Variants in KCNMA1 observed in about 807,000 individuals in gnomAD.
KCNMA1 encodes the protein potassium calcium-activated channel subfamily M alpha 1.
Under a neutral mutation model 140.0 loss-of-function variants are expected in KCNMA1, and 29 were observed. That is an observed-to-expected ratio of 0.21 (90% CI 0.15 to 0.28). KCNMA1 has a LOEUF of 0.28. Among genes scored for constraint, KCNMA1 ranks in the 10% least tolerant of loss-of-function variants. The pLI is 1.00. For synonymous variants in KCNMA1, 612 were observed against 611.9 expected, an observed-to-expected ratio of 1.00 and a Z score of 0.00; for missense variants, 880 against 1,602.2, an observed-to-expected ratio of 0.55 and a Z score of 7.70.
chr10:77,058,562 T>C (rs968301543), intron 14 of KCNMA1, among the ~76,000 whole-genome samples: 1 of 152,004 alleles, frequency 6.6e-6, no homozygotes, highest in African/African-American at 2.4e-5. Flanking sequence ...GCCAAGTAGG[T>C]TCTTAACCAT....
chr10:77,144,221 G>A (rs1022236148), intron 5 of KCNMA1, among the ~76,000 whole-genome samples: 4 of 151,950 alleles, frequency 2.6e-5, no homozygotes, highest in Non-Finnish European at 5.9e-5. Flanking sequence ...ATCCCATAAT[G>A]GAATATTAGC....
Position 77,007,273 on chromosome 10 carries a change from C to T in KCNMA1, c.2092+4694G>A, listed in dbSNP as rs188609909. Among the ~76,000 whole-genome samples the T allele has an allele frequency of 9.2e-4, 140 of 152,290 alleles. 1 individual carries two copies. Among genetic ancestry groups the T allele is most frequent in the Admixed American group, 3.0e-3 (46 of 15,300 alleles). The stretch of plus-strand genomic sequence containing the variant: ...GCTCATTGCTGAAATGGAATGTTCT[C>T]CTCCAGTCAGCTTTTCTGCCTTAAA... On this transcript the variant is annotated intron_variant, in intron 18 of 27. Transcript: ENST00000286628.
intron 1 of KCNMA1, among the ~76,000 whole-genome samples, chr10:77,488,744 AG>A (rs2098493550): frequency 6.6e-6 from 1 of 152,146 alleles, no homozygotes; most frequent in African/African-American, 2.4e-5. Flanking sequence ...CTCCTCAGCC[AG>A]GGCAGCCATG....
chr10:77,583,814 A>G (rs753362040), intron 1 of KCNMA1, among the ~76,000 whole-genome samples: 1 of 152,046 alleles, frequency 6.6e-6, no homozygotes, highest in African/African-American at 2.4e-5. Context: ...AACACACCCA[A>G]CTCCACTTCC....
intron 14 of KCNMA1, among the ~76,000 whole-genome samples, chr10:77,051,663 C>A (rs2095369298): frequency 6.6e-6 from 1 of 152,120 alleles, no homozygotes; most frequent in African/African-American, 2.4e-5. Context: ...AAACCATGAT[C>A]CTGAGTGCTC....
chr10:77,455,723 G>A (rs2097752665), intron 1 of KCNMA1, among the ~76,000 whole-genome samples: 1 of 152,072 alleles, frequency 6.6e-6, no homozygotes, highest in South Asian at 2.1e-4. Context: ...CACACAGAAG[G>A]CCCAGACCTG....
intron 2 of KCNMA1, among the ~76,000 whole-genome samples, chr10:77,325,071 T>C (rs999911649): frequency 2.0e-5 from 3 of 151,318 alleles, no homozygotes; most frequent in African/African-American, 7.3e-5. Context: ...CACCCCTTCA[T>C]TACCATGCTG....
At chr10:77,329,249 G>C (rs1220681506) in intron 2 of KCNMA1, among the ~76,000 whole-genome samples, 1 of 152,178 alleles carries the variant, frequency 6.6e-6, no homozygotes, top group Non-Finnish European at 1.5e-5. Context: ...CAAATCACTT[G>C]TGTGGTCTTT....
intron 19 of KCNMA1, chr10:76,974,303 A>T: frequency 1.9e-6 from 1 of 515,960 alleles, no homozygotes. Context: ...AGGTCGTTTT[A>T]ATTATTATTA....
At chr10:76,936,973 A>G (rs2060728521) in intron 23 of KCNMA1, among the ~76,000 whole-genome samples, 1 of 152,218 alleles carries the variant, frequency 6.6e-6, no homozygotes, top group South Asian at 2.1e-4. Flanking sequence ...AATGCAAATC[A>G]TATAAAACAC....
intron 20 of KCNMA1, among the ~76,000 whole-genome samples, chr10:76,957,392 T>C (rs965825755): frequency 5.9e-5 from 9 of 152,094 alleles, no homozygotes; most frequent in Non-Finnish European, 7.3e-5. Flanking sequence ...AAGTTGAAGA[T>C]GGATTAAACT....
chr10:77,279,436 C>T (rs551009365), intron 2 of KCNMA1, among the ~76,000 whole-genome samples: 1 of 152,106 alleles, frequency 6.6e-6, no homozygotes, highest in Non-Finnish European at 1.5e-5. Context: ...AGCAAGCGGA[C>T]AAAGGGCAGA....
At chr10:77,591,433 T>C (rs1295560959) in intron 1 of KCNMA1, among the ~76,000 whole-genome samples, 2 of 152,112 alleles carry the variant, frequency 1.3e-5, no homozygotes, top group Non-Finnish European at 2.9e-5. Context: ...TCTCTTAACA[T>C]CTAGAGTAAT....
intron 3 of KCNMA1, among the ~76,000 whole-genome samples, chr10:77,249,177 C>T (rs774502809): frequency 1.2e-4 from 19 of 152,154 alleles, no homozygotes; most frequent in Non-Finnish European, 2.4e-4. Context: ...GAAGTTCCAT[C>T]CTTGGGATAG....
At chr10:76,946,196 C>T (rs1386123879) in intron 22 of KCNMA1, among the ~76,000 whole-genome samples, 1 of 152,174 alleles carries the variant, frequency 6.6e-6, no homozygotes, top group East Asian at 1.9e-4. Flanking sequence ...TGCTCTGTGT[C>T]TTCAGGTGAA....
intron 2 of KCNMA1, among the ~76,000 whole-genome samples, chr10:77,401,329 G>A (rs1362482477): frequency 6.6e-6 from 1 of 151,918 alleles, no homozygotes; most frequent in East Asian, 1.9e-4. Context: ...CTAATTTTTT[G>A]TATTTTTAGT....
intron 23 of KCNMA1, among the ~76,000 whole-genome samples, chr10:76,932,295 G>A (rs1473447070): frequency 1.3e-5 from 2 of 152,022 alleles, no homozygotes; most frequent in Non-Finnish European, 2.9e-5. Context: ...GACTTTTTCT[G>A]GCTTACTTAA....
chr10:77,226,667 T>G (rs1236518477), intron 3 of KCNMA1, among the ~76,000 whole-genome samples: 2 of 152,180 alleles, frequency 1.3e-5, no homozygotes, highest in African/African-American at 4.8e-5. Flanking sequence ...AACTGACAAC[T>G]GGCACTAAGT....
intron 2 of KCNMA1, among the ~76,000 whole-genome samples, chr10:77,258,354 T>TC (rs1259518284): frequency 1.3e-5 from 2 of 152,138 alleles, no homozygotes; most frequent in African/African-American, 4.8e-5. Context: ...GCACAATCAA[T>TC]TGCTCATGCA....
Sources: allele counts gnomAD v4.1 joint callset (sites outside exome capture counted in the v4.1 genomes callset), GRCh38; gene constraint gnomAD v4.1.1; transcripts MANE v1.5; gene names NCBI Gene and HGNC (gene_info 2026-07-23, HGNC 2026-07-21).